Variants in C3 observed in about 807,000 individuals in gnomAD.
The protein encoded by C3 is C3 and PZP-like alpha-2-macroglobulin domain-containing protein 1.
Under a neutral mutation model 207.9 loss-of-function variants are expected in C3, and 97 were observed. That is an observed-to-expected ratio of 0.47 (90% CI 0.40 to 0.55). C3 has a LOEUF of 0.55. Ranked by LOEUF, C3 falls within the 20% of genes least tolerant of loss-of-function variation. The pLI, the probability that C3 is intolerant of heterozygous loss-of-function variation, is 0.00. For missense variants in C3, 1,684 were observed against 2,171.7 expected, an observed-to-expected ratio of 0.78 and a Z score of 4.46; for synonymous variants, 848 against 857.6, an observed-to-expected ratio of 0.99 and a Z score of 0.20.
At position 6,679,416 on chromosome 19, in the gene C3, A is replaced by G. The variant is rs1386065120; in HGVS notation, c.4537T>C (p.Cys1513Arg). 4 of 1,613,152 alleles carry G rather than the reference A, an allele frequency of 2.5e-6. No individual in the cohort carries two copies. Among genetic ancestry groups the G allele is most frequent in the African/African-American group, 1.3e-5 (1 of 74,898 alleles). Residue 1513 changes from cysteine (C) to arginine (R), a missense_variant, in exon 37 of 41, where the codon TGT becomes CGT. Around this residue, in one of 3 missense-constraint regions of C3, gnomAD observed 346 missense variants for 380.1 expected, o/e 0.91. Coordinates refer to ENST00000245907, the MANE Select transcript of C3 (RefSeq NM_000064.4). ...GCTCCAGGGAACTCACCCTCAGCAC[A>G]GCGGCACAGTTCATCACGGCAGAGC... The part of the protein sequence containing the change: ...NKLCRDELCR[C>R]AEENCFIQKS...
chr19:6,705,950 C>T (rs141762494), intron 17 of C3, among the ~76,000 whole-genome samples: 228 of 136,388 alleles, frequency 1.7e-3, no homozygotes, highest in African/African-American at 5.6e-3. Flanking sequence ...CTGCGATTGC[C>T]GGTGTGAGCC....
At chr19:6,679,066 A>C (rs1917791102) in intron 38 of C3, 59 bp downstream of exon 38, 1 of 1,334,792 alleles carries the variant, frequency 7.5e-7, no homozygotes, top group Non-Finnish European at 1.1e-6. Context: ...CCTACCACCC[A>C]CCACACAATT....
intron 11 of C3, 83 bp downstream of exon 11, chr19:6,712,174 A>C: frequency 6.4e-7 from 1 of 1,555,866 alleles, no homozygotes; most frequent in Non-Finnish European, 8.8e-7. Context: ...CTGTATGCAA[A>C]TGACAGGACC....
intron 16 of C3, 64 bp from the exon 17 acceptor site, chr19:6,707,337 G>A: frequency 1.9e-6 from 3 of 1,599,040 alleles, no homozygotes; most frequent in African/African-American, 1.3e-5. Flanking sequence ...GGAGGGACGC[G>A]GGACGGACCC....
intron 17 of C3, among the ~76,000 whole-genome samples, chr19:6,705,754 A>G (rs1967761352): frequency 6.6e-6 from 1 of 151,432 alleles, no homozygotes; most frequent in Admixed American, 6.6e-5. Context: ...AGCTCACTGC[A>G]ACCTAAACCT....
At chr19:6,679,522 GA>G (rs1228001863) in intron 36 of C3, 26 bp from the exon 37 acceptor site, 8 of 1,514,992 alleles carry the variant, frequency 5.3e-6, no homozygotes, top group Non-Finnish European at 6.4e-6. Flanking sequence ...ATGTGAAGAT[GA>G]GAGGATAAGG....
chr19:6,716,320 G>C (rs1968033124), intron 4 of C3: 1 of 152,262 alleles, frequency 6.6e-6, no homozygotes, highest in African/African-American at 2.4e-5. Context: ...CTGGGCTCAA[G>C]TGATCCTCCT....
intron 24 of C3, among the ~76,000 whole-genome samples, chr19:6,693,731 C>T: frequency 1.1e-5 from 1 of 94,950 alleles, no homozygotes; most frequent in East Asian, 2.5e-4. Flanking sequence ...GGGGGGCTTT[C>T]AGGGAGGGGA....
At position 6,685,160 on chromosome 19, in the gene C3, G is replaced by A. The variant is rs1213072900; in HGVS notation, c.3811-14C>T. The stretch of plus-strand genomic sequence containing the variant: ...CATGAAGGTGGCCTAGAACCCACAA[G>A]AGAGAAAGATGGTGATCTGGGAGCC... On this transcript the variant is annotated splice_polypyrimidine_tract_variant and intron_variant, in intron 29 of 40. Transcript: ENST00000245907. The A allele has an allele frequency of 6.2e-7, 1 of 1,612,916 alleles. No individual in the cohort carries two copies. The highest frequency in any genetic ancestry group is 8.5e-7 in the Non-Finnish European group (1 of 1,179,274).
Position 6,710,629 on chromosome 19 carries a change from G to T in C3, c.1686+10C>A, listed in dbSNP as rs776885748. On this transcript the variant is annotated intron_variant, in intron 13 of 40. Transcript: ENST00000245907. ...GGGAGAGGGGGCGAGCGAGCCCAGG[G>T]CACACTTACCGAGCCCACGCAGGAG... 6.2e-7 allele frequency: 1 copy of T among 1,610,586 alleles called. No individual in the cohort carries two copies. The highest frequency in any genetic ancestry group is 1.1e-5 in the South Asian group (1 of 90,940).
rs1157359598 is a variant in C3 at position 6,679,458 on chromosome 19, C to T, written c.4495G>A (p.Asp1499Asn). ...CGGCAGAGCTTGTTCAGCTTTCCATCCTCCTTTTCCGGATGGTAGAACCGG... is the reference window on the plus strand; with the variant it reads ...CGGCAGAGCTTGTTCAGCTTTCCATTCTCCTTTTCCGGATGGTAGAACCGG... ...CTRFYHPEKE[D>N]GKLNKLCRDE... Residue 1499 changes from aspartate to asparagine, a missense_variant, in exon 37 of 41, where the codon GAT becomes AAT. Coordinates refer to ENST00000245907, the MANE Select transcript of C3 (RefSeq NM_000064.4). 6.2e-7 allele frequency: 1 copy of T among 1,613,908 alleles called. No individual in the cohort carries two copies. Among genetic ancestry groups the T allele is most frequent in the Non-Finnish European group, 8.5e-7 (1 of 1,179,890 alleles).
chr19:6,711,184 T>G lies in C3; in HGVS notation c.1282A>C (p.Lys428Gln), dbSNP rs762228262. ...TGCTCTGCCTCCGAGAGCTCCTGCT[T>G]CTTCGTGCGCACCTGGGTGGGGAAA... is the stretch of plus-strand genomic sequence containing the variant. ...KPLSITVRTKKQELSEAEQAT... is the reference protein window; with the variant it reads ...KPLSITVRTKQQELSEAEQAT... Residue 428 changes from lysine (K) to glutamine (Q), a missense_variant, in exon 12 of 41, where the codon AAG (lysine) becomes CAG (glutamine). Lys to Gln is a moderately conservative substitution (Grantham distance 53). This residue lies in a region of C3 where 1,280 missense variants were observed against 1,739.1 expected (regional missense o/e 0.74). Transcript: ENST00000245907. 3 of 1,612,794 alleles carry G rather than the reference T, an allele frequency of 1.9e-6. No individual in the cohort carries two copies. Among genetic ancestry groups the G allele is most frequent in the African/African-American group, 2.7e-5 (2 of 74,854 alleles).
intron 17 of C3, among the ~76,000 whole-genome samples, chr19:6,706,575 G>C (rs1414178342): frequency 6.6e-6 from 1 of 151,916 alleles, no homozygotes; most frequent in Non-Finnish European, 1.5e-5. Flanking sequence ...CTCAGACAGG[G>C]GCCTCCTCTC....
chr19:6,707,909 C>T lies in C3; in HGVS notation c.1866G>A (p.Lys622=), dbSNP rs1967816671. 1.2e-6 allele frequency: 2 copies of T among 1,613,942 alleles called. No individual in the cohort carries two copies. Among genetic ancestry groups the T allele is most frequent in the Non-Finnish European group, 1.7e-6 (2 of 1,180,032 alleles). The stretch of plus-strand genomic sequence containing the variant: ...TGCCCGGGGTGCAGCCGATGTCTGC[C>T]TTCTCCACCACGTCCCAGATCTGCG... ...TQSKIWDVVE[K]ADIGCTPGSG... The change falls in exon 15 of 41, where the codon AAG becomes AAA. Residue 622 remains lysine (K), a synonymous_variant. Coordinates refer to ENST00000245907, the MANE Select transcript of C3 (RefSeq NM_000064.4).
At position 6,712,632 on chromosome 19, in the gene C3, A is replaced by G. The variant is rs1967943556; in HGVS notation, c.1004-9T>C. 1 of 1,610,440 alleles carries G rather than the reference A, an allele frequency of 6.2e-7. No homozygotes were observed. The highest frequency in any genetic ancestry group is 8.5e-7 in the Non-Finnish European group (1 of 1,176,756). On this transcript the variant is annotated splice_polypyrimidine_tract_variant and intron_variant, in intron 9 of 40. Transcript: ENST00000245907. ...CTGCACCATGTCACTGCCTGAGGGG[A>G]CCAGCTGTGAGTGTAGGCTTCTGGG...
At chr19:6,682,304 G>T in intron 33 of C3, 75 bp from the exon 34 acceptor site, 1 of 1,091,074 alleles carries the variant, frequency 9.2e-7, no homozygotes, top group Non-Finnish European at 1.4e-6. Flanking sequence ...GGACAAGGAG[G>T]TCTGATCAGG....
intron 14 of C3, 57 bp downstream of exon 14, chr19:6,709,627 C>A: frequency 2.9e-6 from 4 of 1,390,476 alleles, no homozygotes; most frequent in East Asian, 2.6e-5. Context: ...CCACCTCCCC[C>A]AGCCCCAGCT....
chr19:6,680,112 A>AG (rs1568209670), intron 36 of C3, 46 bp downstream of exon 36: 2 of 1,013,986 alleles, frequency 2.0e-6, no homozygotes. Context: ...TGGGACTCTC[A>AG]GGCCCCTGGA....
chr19:6,705,598 C>T (rs1415708168), intron 17 of C3, among the ~76,000 whole-genome samples: 1 of 152,070 alleles, frequency 6.6e-6, no homozygotes, highest in Non-Finnish European at 1.5e-5. Flanking sequence ...CCACCCTTCT[C>T]GGCCTCGCAA....
Sources: gnomAD v4.1 joint callset for allele counts (sites outside exome capture counted in the v4.1 genomes callset) on GRCh38, gnomAD v4.1.1 for gene constraint, gnomAD v4.1.1 regional missense constraint, MANE v1.5 for transcripts, NCBI Gene and HGNC (gene_info 2026-07-23, HGNC 2026-07-21) for gene names.